The following WDR86 variants were observed in gnomAD, a reference collection of about 807,000 sequenced individuals.
WDR86 encodes WD repeat-containing protein 86.
Under a neutral mutation model 36.5 loss-of-function variants are expected in WDR86, and 30 were observed. The observed-to-expected ratio is 0.82, with a 90% confidence interval of 0.61 to 1.11. The LOEUF is 1.11. Among genes scored for constraint, WDR86 ranks in the 50% most tolerant of loss-of-function variants. WDR86 has a pLI of 0.00. For synonymous variants in WDR86, 255 were observed against 252.9 expected, an observed-to-expected ratio of 1.01 and a Z score of -0.08; for missense variants, 545 against 561.2, an observed-to-expected ratio of 0.97 and a Z score of 0.29.
rs370370847 is a variant in WDR86, at chr7:151,395,783, C to A, written c.719G>T (p.Cys240Phe). The change falls in exon 3 of 6, where the codon TGT becomes TTT. Residue 240 changes from cysteine to phenylalanine, a missense_variant. Coordinates refer to ENST00000334493, the MANE Select transcript of WDR86 (RefSeq NM_198285.3). ...GGACCAGGACAGTCTCACCTCCAGACAGATGACGGAGCCCCGGTGCTCCCG... is the reference window on the plus strand; with the variant it reads ...GGACCAGGACAGTCTCACCTCCAGAAAGATGACGGAGCCCCGGTGCTCCCG... ...VFREHRGSVI[C>F]LELVNRLVYS... The A allele has an allele frequency of 1.3e-6, 2 of 1,556,436 alleles. No individual in the cohort carries two copies. The highest frequency in any genetic ancestry group is 1.9e-5 in the Admixed American group (1 of 52,092).
rs910562745 is a variant in WDR86, at chr7:151,406,437, G to A, written c.163+2990C>T. ...GTCGCCAGCCCCAGCCACTCTGCTC[G>A]AGAAATCCAGGACCGGCCAACCACA... On this transcript the variant is annotated intron_variant, in intron 1 of 5. Transcript: ENST00000334493. The surrounding 1 kb of genome is among the most constrained non-coding windows in gnomAD (Gnocchi z 4.4). Among the ~76,000 whole-genome samples, 4 of 152,184 alleles carry A rather than the reference G, an allele frequency of 2.6e-5. No individual in the cohort carries two copies. The highest frequency in any genetic ancestry group is 4.4e-5 in the Non-Finnish European group (3 of 68,030).
chr7:151,395,843 C>T lies in WDR86; in HGVS notation c.659G>A (p.Trp220Ter), dbSNP rs1371879003. The T allele has an allele frequency of 6.3e-7, 1 of 1,586,752 alleles. No homozygotes were observed. Among genetic ancestry groups the T allele is most frequent in the Non-Finnish European group, 8.6e-7 (1 of 1,168,480 alleles). The part of the protein sequence containing the change: ...TGSTDATIRA[W>*]DILSGEQLRV... ...CAGCTGCTCCCCACTCAGGATGTCC[C>T]AGGCACGGATGGTGGCGTCGGTGCT... Residue 220 changes from tryptophan (W) to a stop codon, truncating the protein, a stop_gained, in exon 3 of 6, where the codon TGG (tryptophan) becomes TAG (stop). Coordinates refer to ENST00000334493, the MANE Select transcript of WDR86 (RefSeq NM_198285.3). LOFTEE classifies it high-confidence loss of function.
At chr7:151,377,088 G>T, downstream of WDR86, 1 of 1,578,708 alleles carries the variant, frequency 6.3e-7, no homozygotes, top group Non-Finnish European at 8.6e-7. Context: ...GGAGACAGAG[G>T]CCGTCAATGA....
At chr7:151,383,921 C>A (rs1192760831) in intron 4 of WDR86, among the ~76,000 whole-genome samples, 1 of 152,236 alleles carries the variant, frequency 6.6e-6, no homozygotes, top group Non-Finnish European at 1.5e-5. Context: ...TAGGCGGCCG[C>A]CGGCCAGAGC....
downstream of WDR86, among the ~76,000 whole-genome samples, chr7:151,380,287 G>A (rs114282103): frequency 8.0e-3 from 1,224 of 152,282 alleles, 11 homozygotes; most frequent in African/African-American, 0.028. Context: ...CTGTTCATCC[G>A]CGCCCGAGGG....
At chr7:151,383,460 C>A in intron 4 of WDR86, among the ~76,000 whole-genome samples, 1 of 128,048 alleles carries the variant, frequency 7.8e-6, no homozygotes, top group African/African-American at 3.1e-5. Flanking sequence ...GGCCACAGAG[C>A]AAGACTCCGT....
chr7:151,410,220 G>T (rs907940194), upstream of WDR86, among the ~76,000 whole-genome samples: 2 of 152,240 alleles, frequency 1.3e-5, no homozygotes, highest in Middle Eastern at 3.2e-3. Flanking sequence ...TCTGGCCTCT[G>T]CCACCTCCGC....
rs1419639502 is a variant in WDR86, at chr7:151,381,647, G to A, written c.1066C>T (p.Arg356Cys). 1.4e-6 allele frequency: 2 copies of A among 1,394,602 alleles called. No individual in the cohort carries two copies. The highest frequency in any genetic ancestry group is 3.0e-5 in the East Asian group (1 of 33,494). The allele number at this position is 1,394,602 out of a possible 1,614,324, so 86.4% of individuals were successfully genotyped here. A position where few individuals can be genotyped will look rare whatever the true frequency, so the allele number is the denominator to read the frequency against. ...TTGCTGAAGAGCCGCGAGAGGCTGC[G>A]CATGGGCGGAGGGGGCCGCGGGGCA... ...RGAPRPPPPM[R>C]SLSRLFSNKV... Residue 356 changes from arginine to cysteine, a missense_variant, in exon 6 of 6, where the codon CGC becomes TGC. Arg to Cys is a radical substitution (Grantham distance 180, BLOSUM62 -3). Coordinates refer to ENST00000334493, the MANE Select transcript of WDR86 (RefSeq NM_198285.3). This position sits in a 1 kb window ranked among gnomAD's most constrained non-coding sequence, Gnocchi z 4.8.
Position 151,407,382 on chromosome 7 carries a change from A to G in WDR86, c.163+2045T>C, listed in dbSNP as rs75166306. Among the ~76,000 whole-genome samples, 789 of 152,300 alleles carry G rather than the reference A, an allele frequency of 5.2e-3. 8 individuals are homozygous for G. Among genetic ancestry groups the G allele is most frequent in the African/African-American group, 0.018 (729 of 41,572 alleles). ...GGCTCCAGAGCTGCCGTGGGGGCAA[A>G]GCCAAGTGCCCACCAGGCTACCGGC... On this transcript the variant is annotated intron_variant, in intron 1 of 5. Coordinates refer to ENST00000334493, the MANE Select transcript of WDR86 (RefSeq NM_198285.3).
downstream of WDR86, among the ~76,000 whole-genome samples, chr7:151,373,604 G>A (rs575540648): frequency 6.6e-6 from 1 of 152,354 alleles, no homozygotes; most frequent in South Asian, 2.1e-4. Context: ...TGGGGGGCGG[G>A]TCACCAGCTT....
At chr7:151,408,351 C>T (rs955433268) in intron 1 of WDR86, among the ~76,000 whole-genome samples, 2 of 151,938 alleles carry the variant, frequency 1.3e-5, no homozygotes, top group Admixed American at 6.6e-5. Flanking sequence ...CGCCCGCCAC[C>T]ACGCCCAGCT....
chr7:151,370,664 G>A, the WDR86 span, among the ~76,000 whole-genome samples: 129 of 151,344 alleles, frequency 8.5e-4, no homozygotes, highest in African/African-American at 3.1e-3. Flanking sequence ...TTTAGCATTA[G>A]GTATATCTCC....
intron 3 of WDR86, among the ~76,000 whole-genome samples, chr7:151,395,219 C>T (rs991746329): frequency 2.0e-5 from 3 of 152,226 alleles, no homozygotes; most frequent in African/African-American, 7.2e-5. Flanking sequence ...ACCCTGACAG[C>T]ACAAAGACAA....
upstream of WDR86, chr7:151,410,115 C>A: frequency 1.0e-6 from 1 of 979,578 alleles, no homozygotes; most frequent in South Asian, 4.7e-5. Flanking sequence ...AGCCCCCACC[C>A]CGCGCGCCTG....
downstream of WDR86, chr7:151,376,164 T>G: frequency 3.8e-6 from 2 of 529,756 alleles, no homozygotes; most frequent in Non-Finnish European, 6.8e-6. Flanking sequence ...GTCAGGAAGT[T>G]CTCTTTAGGT....
At chr7:151,396,513 A>T (rs1220194613) in intron 2 of WDR86, among the ~76,000 whole-genome samples, 1 of 151,334 alleles carries the variant, frequency 6.6e-6, no homozygotes. Flanking sequence ...GGGATGGGGG[A>T]GGAGGTAGGG....
intron 1 of WDR86, among the ~76,000 whole-genome samples, chr7:151,402,678 G>A (rs765607557): frequency 3.3e-5 from 5 of 152,188 alleles, no homozygotes; most frequent in Non-Finnish European, 4.4e-5. Flanking sequence ...TGATGAGGCC[G>A]GGATGTGGCC....
downstream of WDR86, chr7:151,376,312 A>T: frequency 2.1e-6 from 1 of 477,636 alleles, no homozygotes; most frequent in South Asian, 2.5e-5. Context: ...TTGTGCCCCT[A>T]CACGCGTTAG....
intron 1 of WDR86, among the ~76,000 whole-genome samples, chr7:151,404,894 C>G (rs1427439089): frequency 2.0e-5 from 3 of 152,216 alleles, no homozygotes; most frequent in African/African-American, 7.2e-5. Flanking sequence ...CGGCGGTGGG[C>G]TGCAGTGGGC....
Sources: allele counts gnomAD v4.1 joint callset (sites outside exome capture counted in the v4.1 genomes callset), GRCh38; gene constraint gnomAD v4.1.1; non-coding constraint Gnocchi (gnomAD v3.1); transcripts MANE v1.5; gene names NCBI Gene and HGNC (gene_info 2026-07-23, HGNC 2026-07-21).